The following SPNS3 variants were observed in gnomAD, a reference collection of about 807,000 sequenced individuals.
The protein encoded by SPNS3 is protein spinster homolog 3.
A neutral mutation model predicts 54.4 loss-of-function variants in SPNS3; 51 were observed. The ratio of observed to expected loss-of-function variants is 0.94; its 90% CI spans 0.75 to 1.18. The LOEUF (loss-of-function observed/expected upper bound fraction) is 1.18, where lower values mean the gene tolerates loss of function less well. Ranked by LOEUF, SPNS3 falls within the 50% of genes most tolerant of loss-of-function variation. The probability of loss-of-function intolerance (pLI) is 0.00; values close to 1 mark genes in which losing one functional copy is unlikely to be tolerated. For missense variants in SPNS3, 669 were observed against 677.4 expected, an observed-to-expected ratio of 0.99 and a Z score of 0.14; for synonymous variants, 309 against 294.7, an observed-to-expected ratio of 1.05 and a Z score of -0.50.
chr17:4,460,220 T>C (rs1023595415), intron 8 of SPNS3, among the ~76,000 whole-genome samples: 3 of 152,132 alleles, frequency 2.0e-5, no homozygotes, highest in East Asian at 3.8e-4. Flanking sequence ...TAGGATGTTG[T>C]GGGCATTGGG....
intron 1 of SPNS3, among the ~76,000 whole-genome samples, chr17:4,437,676 TAAATA>T (rs71144197): frequency 4.7e-5 from 7 of 150,490 alleles, no homozygotes; most frequent in Admixed American, 3.3e-4. Flanking sequence ...CAAAAATAAA[TAAATA>T]AAATAAAAAT....
chr17:4,452,329 C>A (rs2144061745), intron 7 of SPNS3, among the ~76,000 whole-genome samples: 1 of 152,206 alleles, frequency 6.6e-6, no homozygotes, highest in East Asian at 1.9e-4. Context: ...AGATCTCCTG[C>A]CACAAAATGC....
At chr17:4,480,542 A>G (rs956983748) in intron 9 of SPNS3, among the ~76,000 whole-genome samples, 14 of 152,162 alleles carry the variant, frequency 9.2e-5, no homozygotes, top group Admixed American at 9.2e-4. Flanking sequence ...CCTCTTCCAC[A>G]TGACAGCCCC....
At chr17:4,451,459 A>G (rs944523475) in intron 7 of SPNS3, among the ~76,000 whole-genome samples, 17 of 152,098 alleles carry the variant, frequency 1.1e-4, no homozygotes, top group Admixed American at 3.3e-4. Context: ...ATTCTCAGTC[A>G]TTTGTGCAAA....
At chr17:4,477,750 G>A (rs1219875634) in intron 8 of SPNS3, among the ~76,000 whole-genome samples, 1 of 152,158 alleles carries the variant, frequency 6.6e-6, no homozygotes, top group Non-Finnish European at 1.5e-5. Flanking sequence ...TCCGCATGAT[G>A]GGTGTACCAG....
intron 5 of SPNS3, among the ~76,000 whole-genome samples, chr17:4,447,231 C>T: frequency 6.6e-6 from 1 of 152,150 alleles, no homozygotes; most frequent in East Asian, 1.9e-4. Flanking sequence ...CCTCAGTTTG[C>T]CTGTCGGTAA....
intron 8 of SPNS3, among the ~76,000 whole-genome samples, chr17:4,476,741 C>A (rs576729273): frequency 6.6e-6 from 1 of 152,162 alleles, no homozygotes; most frequent in South Asian, 2.1e-4. Context: ...TGAGGGAGAC[C>A]CACCTGCCCT....
At chr17:4,438,504 C>A (rs11656521) in intron 1 of SPNS3, among the ~76,000 whole-genome samples, 91,484 of 152,060 alleles carry the variant, frequency 0.6, 28,276 homozygotes, top group Non-Finnish European at 0.65. Context: ...CTGCAGACCC[C>A]GACCCTTTCT....
intron 7 of SPNS3, among the ~76,000 whole-genome samples, chr17:4,452,209 G>A (rs1174363433): frequency 2.6e-5 from 4 of 151,998 alleles, no homozygotes; most frequent in Non-Finnish European, 5.9e-5. Context: ...CGATCCTCCC[G>A]CCTCAGCCTC....
chr17:4,438,783 C>T (rs1263942543), intron 1 of SPNS3, among the ~76,000 whole-genome samples: 2 of 152,242 alleles, frequency 1.3e-5, no homozygotes, highest in East Asian at 1.9e-4. Context: ...CACTGAGCAG[C>T]GACAGGGGGC....
intron 2 of SPNS3, among the ~76,000 whole-genome samples, chr17:4,441,418 T>A (rs1038917718): frequency 6.6e-6 from 1 of 152,106 alleles, no homozygotes; most frequent in East Asian, 1.9e-4. Context: ...AGATCATGGC[T>A]TTAGAACATG....
At chr17:4,442,017 T>TGTGTGTGTGTGTGTGTGTGTGTGTG (rs10692534) in intron 2 of SPNS3, among the ~76,000 whole-genome samples, 8 of 150,568 alleles carry the variant, frequency 5.3e-5, no homozygotes, top group Non-Finnish European at 8.9e-5. Flanking sequence ...TGTGTGTGTG[T>TGTGTGTGTGTGTGTGTGTGTGTGTG]TTGGCAGTAG....
intron 2 of SPNS3, among the ~76,000 whole-genome samples, chr17:4,441,983 A>AGTGTGTGTGTGT (rs373836833): frequency 0.066 from 9,122 of 138,930 alleles, 349 homozygotes; most frequent in African/African-American, 0.091. Flanking sequence ...CGGAGGGAGA[A>AGTGTGTGTGTGT]GTGTGTGTGT....
At chr17:4,470,990 A>T (rs1247575537) in intron 8 of SPNS3, among the ~76,000 whole-genome samples, 2 of 151,912 alleles carry the variant, frequency 1.3e-5, no homozygotes, top group Non-Finnish European at 2.9e-5. Flanking sequence ...GATGGCACGA[A>T]CTCGGATCAC....
intron 8 of SPNS3, among the ~76,000 whole-genome samples, chr17:4,466,527 G>C (rs913223605): frequency 2.9e-5 from 3 of 103,642 alleles, no homozygotes; most frequent in African/African-American, 1.3e-4. Flanking sequence ...GTGACAGAAC[G>C]AGACTCTGTC....
intron 7 of SPNS3, among the ~76,000 whole-genome samples, chr17:4,452,090 A>G (rs1362356476): frequency 6.6e-6 from 1 of 151,572 alleles, no homozygotes; most frequent in Non-Finnish European, 1.5e-5. Context: ...CTTGGCCTTG[A>G]CTTTTCTCAG....
At chr17:4,459,014 C>T (rs1971422842) in intron 8 of SPNS3, among the ~76,000 whole-genome samples, 1 of 152,062 alleles carries the variant, frequency 6.6e-6, no homozygotes, top group South Asian at 2.1e-4. Flanking sequence ...CTAGTCATTC[C>T]TCCCCTCTCC....
At chr17:4,469,330 G>A (rs561672252) in intron 8 of SPNS3, among the ~76,000 whole-genome samples, 6 of 152,054 alleles carry the variant, frequency 3.9e-5, no homozygotes, top group South Asian at 2.1e-4. Flanking sequence ...TGAGTGATCC[G>A]CCTGCCTCGG....
intron 9 of SPNS3, among the ~76,000 whole-genome samples, chr17:4,485,835 G>T (rs766303777): frequency 1.2e-4 from 18 of 152,208 alleles, no homozygotes; most frequent in Non-Finnish European, 2.1e-4. Context: ...CTGCCCAATT[G>T]CCTGCACATG....
Sources: gnomAD v4.1 joint callset for allele counts (sites outside exome capture counted in the v4.1 genomes callset) on GRCh38, gnomAD v4.1.1 for gene constraint, MANE v1.5 for transcripts, NCBI Gene and HGNC (gene_info 2026-07-23, HGNC 2026-07-21) for gene names.